Variants in GABRA1 observed in about 807,000 individuals in gnomAD.
GABRA1 encodes gamma-aminobutyric acid type A receptor subunit alpha1, also known as gamma-aminobutyric acid receptor subunit alpha-1.
Under a neutral mutation model 48.9 loss-of-function variants are expected in GABRA1, and 9 were observed. The observed-to-expected ratio is 0.18, with a 90% CI of 0.11 to 0.32. GABRA1 has a LOEUF of 0.32. Ranked by LOEUF, GABRA1 falls within the 10% of genes least tolerant of loss-of-function variation. The pLI, the probability that GABRA1 is intolerant of heterozygous loss-of-function variation, is 1.00. For synonymous variants in GABRA1, 210 were observed against 198.7 expected (o/e 1.06, Z -0.48); for missense variants, 285 against 553.8 (o/e 0.51, Z 4.87).
At chr5:161,889,030 A>T (rs1754973139) in intron 7 of GABRA1, among the ~76,000 whole-genome samples, 1 of 152,030 alleles carries the variant, frequency 6.6e-6, no homozygotes, top group Non-Finnish European at 1.5e-5. Context: ...GTATGTAGTT[A>T]AATAACTAAA....
intron 7 of GABRA1, among the ~76,000 whole-genome samples, chr5:161,890,647 T>C (rs1755047605): frequency 6.6e-6 from 1 of 152,098 alleles, no homozygotes; most frequent in Non-Finnish European, 1.5e-5. Flanking sequence ...CAATATGTGA[T>C]GTATTTGAAT....
chr5:161,892,685 AC>A (rs1755148209), intron 8 of GABRA1, among the ~76,000 whole-genome samples: 1 of 151,844 alleles, frequency 6.6e-6, no homozygotes, highest in Non-Finnish European at 1.5e-5. Context: ...AAACAAACAA[AC>A]AAACAAACAA....
At chr5:161,851,532 T>G (rs1021011123) in intron 2 of GABRA1, among the ~76,000 whole-genome samples, 2 of 152,186 alleles carry the variant, frequency 1.3e-5, no homozygotes, top group East Asian at 1.9e-4. Context: ...GAAATTAATA[T>G]AATAGAAACT....
chr5:161,879,478 A>C (rs1754515242), intron 6 of GABRA1, among the ~76,000 whole-genome samples: 1 of 152,124 alleles, frequency 6.6e-6, no homozygotes, highest in African/African-American at 2.4e-5. Flanking sequence ...GTAACTTAAA[A>C]TTTTTGGCTA....
At chr5:161,862,507 G>A (rs1757901746) in intron 3 of GABRA1, among the ~76,000 whole-genome samples, 1 of 151,380 alleles carries the variant, frequency 6.6e-6, no homozygotes, top group Admixed American at 6.6e-5. Flanking sequence ...TTTTTTCAGA[G>A]CATTTATAAT....
At chr5:161,880,500 A>G (rs1754567006) in intron 6 of GABRA1, among the ~76,000 whole-genome samples, 2 of 152,220 alleles carry the variant, frequency 1.3e-5, no homozygotes, top group South Asian at 4.1e-4. Flanking sequence ...TTTTAAGACC[A>G]TGAGGATAAC....
intron 3 of GABRA1, among the ~76,000 whole-genome samples, chr5:161,863,640 G>A (rs368447916): frequency 1.3e-5 from 2 of 152,070 alleles, no homozygotes; most frequent in African/African-American, 4.8e-5. Context: ...ATTTGGGCGG[G>A]GACAAATATC....
intron 2 of GABRA1, among the ~76,000 whole-genome samples, chr5:161,852,977 A>C (rs1031569818): frequency 1.3e-5 from 2 of 151,942 alleles, no homozygotes; most frequent in African/African-American, 4.8e-5. Flanking sequence ...ACATCAACAC[A>C]CAGGAATGAA....
chr5:161,876,584 G>A (rs1009869535), intron 6 of GABRA1, among the ~76,000 whole-genome samples: 1 of 152,146 alleles, frequency 6.6e-6, no homozygotes, highest in Non-Finnish European at 1.5e-5. Context: ...CGGGCTCCTA[G>A]CAGCATCAGT....
intron 3 of GABRA1, among the ~76,000 whole-genome samples, chr5:161,861,575 G>A (rs1757861581): frequency 6.6e-6 from 1 of 151,090 alleles, no homozygotes; most frequent in South Asian, 2.1e-4. Context: ...AAACTTGGGT[G>A]TCTACCCCCA....
chr5:161,874,139 A>C (rs1480640130), intron 5 of GABRA1, among the ~76,000 whole-genome samples: 1 of 152,158 alleles, frequency 6.6e-6, no homozygotes, highest in African/African-American at 2.4e-5. Flanking sequence ...CAGATTTTTC[A>C]ATTATTTCTT....
chr5:161,858,971 A>G (rs1757751991), intron 3 of GABRA1, among the ~76,000 whole-genome samples: 1 of 151,808 alleles, frequency 6.6e-6, no homozygotes, highest in Admixed American at 6.6e-5. Flanking sequence ...TCCTGAGAGA[A>G]GAGTGGAGAG....
At chr5:161,858,494 A>C (rs2113325406) in intron 3 of GABRA1, among the ~76,000 whole-genome samples, 1 of 151,850 alleles carries the variant, frequency 6.6e-6, no homozygotes, top group Admixed American at 6.6e-5. Flanking sequence ...TATACAGGCT[A>C]CACTTTATTT....
At chr5:161,879,593 A>G (rs777733091) in intron 6 of GABRA1, among the ~76,000 whole-genome samples, 1 of 152,138 alleles carries the variant, frequency 6.6e-6, no homozygotes, top group Admixed American at 6.6e-5. Flanking sequence ...TAAGGAAACA[A>G]TAGGATATAT....
At chr5:161,860,668 T>C (rs1352269519) in intron 3 of GABRA1, among the ~76,000 whole-genome samples, 1 of 150,896 alleles carries the variant, frequency 6.6e-6, no homozygotes, top group Admixed American at 6.6e-5. Context: ...GAAGAATAAA[T>C]GCTTGAGGTG....
chr5:161,888,044 T>G (rs1221144229), intron 7 of GABRA1, among the ~76,000 whole-genome samples: 2 of 152,128 alleles, frequency 1.3e-5, no homozygotes, highest in African/African-American at 2.4e-5. Flanking sequence ...GTTGCTTTTC[T>G]TCCACTCTCC....
At chr5:161,876,575 G>A (rs560283753) in intron 6 of GABRA1, among the ~76,000 whole-genome samples, 4 of 152,124 alleles carry the variant, frequency 2.6e-5, no homozygotes, top group Non-Finnish European at 5.9e-5. Flanking sequence ...AAAGGCCTTC[G>A]GGCTCCTAGC....
At chr5:161,885,236 C>A (rs1183100997) in intron 7 of GABRA1, among the ~76,000 whole-genome samples, 2 of 152,088 alleles carry the variant, frequency 1.3e-5, no homozygotes, top group Non-Finnish European at 2.9e-5. Context: ...TTTAGCTCAC[C>A]AAGAGTCCAC....
chr5:161,865,192 G>T (rs571619218), intron 3 of GABRA1, among the ~76,000 whole-genome samples: 1 of 152,100 alleles, frequency 6.6e-6, no homozygotes, highest in South Asian at 2.1e-4. Context: ...ACTTATATGG[G>T]ATGTCATATT....
Sources: allele counts gnomAD v4.1 joint callset (sites outside exome capture counted in the v4.1 genomes callset), GRCh38; gene constraint gnomAD v4.1.1; transcripts MANE v1.5; gene names NCBI Gene and HGNC (gene_info 2026-07-23, HGNC 2026-07-21).